Variants in TRPM3 observed in about 807,000 individuals in gnomAD.
TRPM3 encodes the protein long transient receptor potential channel 3.
TRPM3 carries 77 observed loss-of-function variants against 181.2 expected under a neutral mutation model. The ratio of observed to expected loss-of-function variants is 0.42; its 90% CI spans 0.35 to 0.51. TRPM3 has a LOEUF of 0.51. Ranked by LOEUF, TRPM3 falls within the 20% of genes least tolerant of loss-of-function variation. The pLI, the probability that TRPM3 is intolerant of heterozygous loss-of-function variation, is 0.01. For missense variants in TRPM3, 1,759 were observed against 2,196.7 expected (o/e 0.80, Z 3.98); for synonymous variants, 745 against 796.4 (o/e 0.94, Z 1.09).
At chr9:71,222,345 A>C (rs1264407465) in intron 1 of TRPM3, among the ~76,000 whole-genome samples, 1 of 152,228 alleles carries the variant, frequency 6.6e-6, no homozygotes, top group Non-Finnish European at 1.5e-5. Flanking sequence ...TCATCACAGA[A>C]GAGGTGGTCC....
chr9:70,898,347 C>T lies in TRPM3; in HGVS notation c.178-33836G>A, dbSNP rs572300953. Among the ~76,000 whole-genome samples the T allele has an allele frequency of 8.1e-4, 123 of 151,634 alleles. No homozygotes were observed. In the Middle Eastern group the frequency reaches 0.017, roughly 21 times the overall value. ...CCGTGTTAGCCAGGATGGTCTCGAT[C>T]TCCTGACCTCGTGATCCACCCACCT... On this transcript the variant is annotated intron_variant, in intron 1 of 25. Coordinates refer to ENST00000677713, the MANE Select transcript of TRPM3 (RefSeq NM_001366145.2).
intron 25 of TRPM3, among the ~76,000 whole-genome samples, chr9:70,546,836 T>C (rs1177595893): frequency 6.6e-6 from 1 of 152,224 alleles, no homozygotes; most frequent in African/African-American, 2.4e-5. Flanking sequence ...TTGCTCTAGA[T>C]GCATCAGGGT....
At chr9:70,648,427 G>A (rs572618364) in intron 9 of TRPM3, among the ~76,000 whole-genome samples, 5 of 152,246 alleles carry the variant, frequency 3.3e-5, no homozygotes, top group African/African-American at 9.6e-5. Context: ...AGTAAGCCAT[G>A]ATCATGGCAG....
intron 1 of TRPM3, among the ~76,000 whole-genome samples, chr9:71,256,693 T>C (rs1053948434): frequency 2.0e-5 from 3 of 152,064 alleles, no homozygotes; most frequent in African/African-American, 4.8e-5. Flanking sequence ...GGGACCTAGA[T>C]ACAGTTTGAT....
intron 6 of TRPM3, among the ~76,000 whole-genome samples, chr9:70,791,370 G>C (rs574651513): frequency 6.6e-6 from 1 of 152,298 alleles, no homozygotes; most frequent in East Asian, 1.9e-4. Context: ...TGGTTCTCTA[G>C]ACAGAAAGAA....
intron 1 of TRPM3, among the ~76,000 whole-genome samples, chr9:71,074,050 T>A (rs761472487): frequency 6.6e-6 from 1 of 152,186 alleles, no homozygotes; most frequent in Non-Finnish European, 1.5e-5. Flanking sequence ...CTTCAAGAGT[T>A]ACAACACGCA....
intron 18 of TRPM3, among the ~76,000 whole-genome samples, chr9:70,612,756 T>C (rs1011760822): frequency 1.3e-5 from 2 of 152,232 alleles, no homozygotes; most frequent in African/African-American, 2.4e-5. Flanking sequence ...ATATTGATCA[T>C]TGACCTCAAG....
chr9:70,908,999 A>C (rs111844641), intron 1 of TRPM3, among the ~76,000 whole-genome samples: 26 of 152,358 alleles, frequency 1.7e-4, no homozygotes, highest in African/African-American at 6.0e-4. Flanking sequence ...ATGGGAAATA[A>C]AGTTTCTAGA....
At chr9:70,743,406 A>G (rs2074534131) in intron 8 of TRPM3, among the ~76,000 whole-genome samples, 1 of 152,192 alleles carries the variant, frequency 6.6e-6, no homozygotes, top group South Asian at 2.1e-4. Flanking sequence ...TTTGTGTTTT[A>G]TTATAATTAT....
intron 1 of TRPM3, among the ~76,000 whole-genome samples, chr9:70,882,041 G>C (rs1012702313): frequency 2.6e-5 from 4 of 152,116 alleles, no homozygotes; most frequent in South Asian, 2.1e-4. Context: ...GTTATTCTTA[G>C]CCAGAGCGTT....
At chr9:71,359,379 T>A (rs2092046806) in intron 1 of TRPM3, among the ~76,000 whole-genome samples, 1 of 152,226 alleles carries the variant, frequency 6.6e-6, no homozygotes, top group Admixed American at 6.5e-5. Context: ...AGAAAGGGAA[T>A]TTTAAACAGA....
intron 1 of TRPM3, among the ~76,000 whole-genome samples, chr9:71,076,672 G>A (rs1484638570): frequency 1.3e-5 from 2 of 152,192 alleles, no homozygotes; most frequent in Non-Finnish European, 2.9e-5. Context: ...CTGGGGAAAA[G>A]CTAATGTCCT....
intron 12 of TRPM3, among the ~76,000 whole-genome samples, chr9:70,634,554 A>G (rs2066528283): frequency 6.6e-6 from 1 of 152,224 alleles, no homozygotes; most frequent in Non-Finnish European, 1.5e-5. Context: ...TATTAATAAA[A>G]TGAACTGAAC....
chr9:70,554,551 C>A (rs969089060), intron 22 of TRPM3, among the ~76,000 whole-genome samples: 2 of 152,126 alleles, frequency 1.3e-5, no homozygotes, highest in South Asian at 2.1e-4. Context: ...GATCACCTGG[C>A]GAGCTCTAAA....
At chr9:70,767,524 T>A (rs1427638310) in intron 7 of TRPM3, among the ~76,000 whole-genome samples, 2 of 152,198 alleles carry the variant, frequency 1.3e-5, no homozygotes, top group Non-Finnish European at 2.9e-5. Flanking sequence ...TTGATAATTT[T>A]GTGGGTCAAG....
chr9:70,786,726 TC>T (rs1588329116), intron 6 of TRPM3, among the ~76,000 whole-genome samples: 1 of 152,226 alleles, frequency 6.6e-6, no homozygotes, highest in Non-Finnish European at 1.5e-5. Context: ...ATTTATTTTT[TC>T]CCTTGATTTG....
rs1369063822 is a variant in TRPM3 at position 70,532,262 on chromosome 9, C to T, written c.*3691G>A. ...AAAAAAGTACTATCCAGTTATCTAC[C>T]ATAATATTATCTATAGAAACCATAT... On this transcript the variant is annotated 3_prime_UTR_variant, in exon 26 of 26. Transcript: ENST00000677713. 1.3e-5 allele frequency: 2 copies of T among 152,150 alleles called. No individual in the cohort carries two copies. The highest frequency in any genetic ancestry group is 6.5e-5 in the Admixed American group (1 of 15,282). 9.4% of individuals were successfully genotyped at this position (152,150 alleles called of 1,614,324 possible). A position where few individuals can be genotyped will look rare whatever the true frequency, so the allele number is the denominator to read the frequency against.
At chr9:71,023,718 G>T (rs1445747471) in intron 1 of TRPM3, among the ~76,000 whole-genome samples, 5 of 148,376 alleles carry the variant, frequency 3.4e-5, no homozygotes, top group Non-Finnish European at 6.0e-5. Context: ...AAAAAAAAAA[G>T]TCAAACTCAA....
intron 6 of TRPM3, among the ~76,000 whole-genome samples, chr9:70,819,664 G>T (rs941579288): frequency 5.9e-5 from 9 of 152,282 alleles, no homozygotes; most frequent in Non-Finnish European, 1.2e-4. Context: ...TGCAAAATAG[G>T]TATATCTGTA....
Sources: allele counts gnomAD v4.1 joint callset (sites outside exome capture counted in the v4.1 genomes callset), GRCh38; gene constraint gnomAD v4.1.1; transcripts MANE v1.5; gene names NCBI Gene and HGNC (gene_info 2026-07-23, HGNC 2026-07-21).